PTPRT: variants seen among roughly 807,000 people sequenced by gnomAD.
PTPRT encodes the protein receptor-type tyrosine-protein phosphatase T.
In PTPRT, 56 loss-of-function variants were observed where a neutral mutation model predicts 176.8. That is an observed-to-expected ratio of 0.32 (90% CI 0.26 to 0.40). The LOEUF is 0.40. PTPRT is among the 10% of genes least tolerant of loss of function. The pLI is 1.00. For synonymous variants in PTPRT, 783 were observed against 739.0 expected (o/e 1.06, Z -0.96); for missense variants, 1,540 against 1,908.2 (o/e 0.81, Z 3.60).
intron 1 of PTPRT, among the ~76,000 whole-genome samples, chr20:43,020,475 T>C (rs206151): frequency 0.68 from 103,289 of 151,826 alleles, 38,072 homozygotes; most frequent in South Asian, 0.9. Flanking sequence ...ATCACCCTAC[T>C]GTTTACATTT....
intron 14 of PTPRT, among the ~76,000 whole-genome samples, chr20:42,238,421 T>G (rs2056287075): frequency 6.6e-6 from 1 of 152,156 alleles, no homozygotes; most frequent in Admixed American, 6.5e-5. Flanking sequence ...GGTGAAGGAC[T>G]GGGGACTGCA....
intron 1 of PTPRT, among the ~76,000 whole-genome samples, chr20:43,005,127 A>G (rs6030603): frequency 0.99 from 150,378 of 152,088 alleles, 74,348 homozygotes; most frequent in Middle Eastern, 1. Flanking sequence ...GCATCTCACC[A>G]GCACCCAGGA....
At chr20:42,353,784 C>T (rs754312124) in intron 9 of PTPRT, among the ~76,000 whole-genome samples, 2 of 152,180 alleles carry the variant, frequency 1.3e-5, no homozygotes, top group East Asian at 3.9e-4. Context: ...TGTGGTGGCT[C>T]ACACCTGAAA....
intron 9 of PTPRT, among the ~76,000 whole-genome samples, chr20:42,397,118 G>A (rs2058858436): frequency 6.6e-6 from 1 of 152,124 alleles, no homozygotes; most frequent in Admixed American, 6.6e-5. Context: ...CAGTGAGATG[G>A]TGTCAGTTTT....
At chr20:42,398,164 A>G (rs983994349) in intron 9 of PTPRT, among the ~76,000 whole-genome samples, 6 of 152,218 alleles carry the variant, frequency 3.9e-5, no homozygotes, top group Non-Finnish European at 2.9e-5. Flanking sequence ...TTGTAAAAAA[A>G]AATACATACA....
At chr20:43,087,027 A>G (rs959354599) in intron 1 of PTPRT, among the ~76,000 whole-genome samples, 31 of 152,334 alleles carry the variant, frequency 2.0e-4, no homozygotes, top group African/African-American at 7.0e-4. Context: ...TGTTCCCATC[A>G]CTTTCTTAAA....
At chr20:42,410,828 T>C (rs1266659674) in intron 9 of PTPRT, among the ~76,000 whole-genome samples, 1 of 152,184 alleles carries the variant, frequency 6.6e-6, no homozygotes, top group African/African-American at 2.4e-5. Flanking sequence ...AATCCATGGA[T>C]CAAAGAGTAA....
chr20:42,098,984 A>G (rs1471351400), intron 26 of PTPRT, among the ~76,000 whole-genome samples: 1 of 152,250 alleles, frequency 6.6e-6, no homozygotes, highest in Non-Finnish European at 1.5e-5. Context: ...CCAAAGGGGC[A>G]GGCTCCCTTC....
At chr20:42,177,537 G>A (rs1263578938) in intron 16 of PTPRT, among the ~76,000 whole-genome samples, 1 of 152,162 alleles carries the variant, frequency 6.6e-6, no homozygotes, top group African/African-American at 2.4e-5. Flanking sequence ...CTGATCCTCA[G>A]GTGCTGAATT....
At position 42,459,899 on chromosome 20, in the gene PTPRT, G is replaced by T. The variant is rs1007752243; in HGVS notation, c.1451-11570C>A. ...CTCAAAGTGCTGGGATTACAGGGGTGAGCCACCATCCCCAGCCAGAAGGGA... is the reference window on the plus strand; with the variant it reads ...CTCAAAGTGCTGGGATTACAGGGGTTAGCCACCATCCCCAGCCAGAAGGGA... On this transcript the variant is annotated intron_variant, in intron 8 of 30. Transcript: ENST00000373187. Among the ~76,000 whole-genome samples the T allele has an allele frequency of 7.2e-5, 11 of 152,240 alleles. No homozygotes were observed. The Middle Eastern group carries it at 0.01, about 141-fold the overall frequency.
chr20:42,050,330 G>GTT, the PTPRT span, among the ~76,000 whole-genome samples: 46 of 152,156 alleles, frequency 3.0e-4, no homozygotes, highest in Admixed American at 1.3e-4. Context: ...CCTAGACACT[G>GTT]TTTTAAGTTC....
intron 1 of PTPRT, among the ~76,000 whole-genome samples, chr20:43,186,011 C>T (rs2015381359): frequency 1.3e-5 from 2 of 152,144 alleles, no homozygotes; most frequent in African/African-American, 4.8e-5. Context: ...AAGACTGATG[C>T]CCCACCCGCC....
chr20:42,910,269 G>C (rs938795415), intron 1 of PTPRT, among the ~76,000 whole-genome samples: 7 of 152,158 alleles, frequency 4.6e-5, no homozygotes, highest in Non-Finnish European at 8.8e-5. Flanking sequence ...TCTCACCGCA[G>C]CTTCTCTACA....
intron 1 of PTPRT, among the ~76,000 whole-genome samples, chr20:43,148,796 T>A (rs926388044): frequency 6.6e-6 from 1 of 152,190 alleles, no homozygotes; most frequent in African/African-American, 2.4e-5. Context: ...AAATGTACTG[T>A]CTGCTACCTT....
At chr20:42,120,899 A>G in intron 19 of PTPRT, among the ~76,000 whole-genome samples, 1 of 152,354 alleles carries the variant, frequency 6.6e-6, no homozygotes, top group African/African-American at 2.4e-5. Context: ...AGAGCCTATC[A>G]ATTGGGAGAT....
intron 1 of PTPRT, among the ~76,000 whole-genome samples, chr20:43,044,504 G>A (rs1986756191): frequency 6.6e-6 from 1 of 152,162 alleles, no homozygotes; most frequent in Admixed American, 6.5e-5. Context: ...ATAACGTACT[G>A]AAAAGGGGAC....
chr20:42,934,377 G>T (rs1980045709), intron 1 of PTPRT, among the ~76,000 whole-genome samples: 1 of 152,178 alleles, frequency 6.6e-6, no homozygotes, highest in Admixed American at 6.5e-5. Flanking sequence ...AGCTACTGCT[G>T]CATAACAAAA....
chr20:42,602,006 G>A (rs8114592), intron 7 of PTPRT, among the ~76,000 whole-genome samples: 37,252 of 152,056 alleles, frequency 0.24, 4,980 homozygotes, highest in Non-Finnish European at 0.3. Context: ...AAATAATAAT[G>A]AAACCACACA....
chr20:42,893,477 G>T (rs1388976706), intron 1 of PTPRT, among the ~76,000 whole-genome samples: 2 of 151,210 alleles, frequency 1.3e-5, no homozygotes, highest in Non-Finnish European at 3.0e-5. Context: ...TCTAGAACTA[G>T]AAATACCATT....
Sources: gnomAD v4.1 joint callset for allele counts (sites outside exome capture counted in the v4.1 genomes callset) on GRCh38, gnomAD v4.1.1 for gene constraint, MANE v1.5 for transcripts, NCBI Gene and HGNC (gene_info 2026-07-23, HGNC 2026-07-21) for gene names.